ATG5: variants seen among roughly 807,000 people sequenced by gnomAD.
ATG5 encodes autophagy protein 5.
In ATG5, 14 loss-of-function variants were observed where a neutral mutation model predicts 36.5. That is an observed-to-expected ratio of 0.38 (90% confidence interval 0.25 to 0.60). ATG5 has a LOEUF of 0.60. Ranked by LOEUF, ATG5 falls within the 20% of genes least tolerant of loss-of-function variation. The pLI, the probability that ATG5 is intolerant of heterozygous loss-of-function variation, is 0.60. For missense variants in ATG5, 195 were observed against 326.7 expected (o/e 0.60, Z 3.11); for synonymous variants, 95 against 101.5 (o/e 0.94, Z 0.38).
chr6:106,209,522 T>C (rs990881686), intron 6 of ATG5, among the ~76,000 whole-genome samples: 7 of 152,134 alleles, frequency 4.6e-5, no homozygotes, highest in Admixed American at 4.6e-4. Context: ...TGTCAGAGGT[T>C]AGGGAAGAAA....
At position 106,201,984 on chromosome 6, in the gene ATG5, T is replaced by G. The variant is rs763708645; in HGVS notation, c.679A>C (p.Ile227Leu). 1.2e-6 allele frequency: 2 copies of G among 1,609,850 alleles called. No individual in the cohort carries two copies. Among genetic ancestry groups the G allele is most frequent in the East Asian group, 2.2e-5 (1 of 44,788 alleles). ...DLLKEVCPSA[I>L]DPEDGEKKNQ... ...CTGATTGTATTACCTTCAGGATCAA[T>G]AGCAGAAGGACAAACTTCTTTGAGG... Residue 227 changes from isoleucine to leucine, a missense_variant, in exon 7 of 8, where the codon ATT (isoleucine) becomes CTT (leucine). Transcript: ENST00000369076.
chr6:106,274,353 C>T (rs1169226755), intron 5 of ATG5, among the ~76,000 whole-genome samples: 3 of 152,032 alleles, frequency 2.0e-5, no homozygotes, highest in African/African-American at 4.8e-5. Flanking sequence ...AAAAAAAACA[C>T]TGAAAGGCAC....
At chr6:106,323,471 C>T (rs777953826) in intron 1 of ATG5, among the ~76,000 whole-genome samples, 8 of 151,522 alleles carry the variant, frequency 5.3e-5, no homozygotes, top group Non-Finnish European at 1.0e-4. Context: ...GACAGGGTCT[C>T]GTTATGTCGC....
intron 5 of ATG5, among the ~76,000 whole-genome samples, chr6:106,274,343 A>T (rs929366749): frequency 7.1e-5 from 9 of 127,626 alleles, no homozygotes; most frequent in Admixed American, 2.3e-4. Context: ...GAAAACTCAT[A>T]AAAAAAACAC....
At chr6:106,195,808 T>TAAAAAAAAAAAAAAAA (rs35892579) in intron 7 of ATG5, among the ~76,000 whole-genome samples, 1 of 91,348 alleles carries the variant, frequency 1.1e-5, no homozygotes, top group African/African-American at 4.0e-5. Flanking sequence ...TGCTCCCCTC[T>TAAAAAAAAAAAAAAAA]AAAAAAAAAA....
At chr6:106,299,169 C>A (rs1770104473) in intron 3 of ATG5, among the ~76,000 whole-genome samples, 1 of 152,136 alleles carries the variant, frequency 6.6e-6, no homozygotes, top group African/African-American at 2.4e-5. Context: ...AGCTGGATAC[C>A]AAAATTCGCA....
Position 106,264,247 on chromosome 6 carries a change from G to C in ATG5, c.478+15414C>G, listed in dbSNP as rs537982245. On this transcript the variant is annotated intron_variant, in intron 5 of 7. Coordinates refer to ENST00000369076, the MANE Select transcript of ATG5 (RefSeq NM_004849.4). ...ATCAAGTGGAAGAAAGGATATCAGA[G>C]ATTGAAGATCAACTTACTGAAAAAA... Among the ~76,000 whole-genome samples the C allele has an allele frequency of 3.9e-5, 6 of 152,176 alleles. No individual in the cohort carries two copies. In the South Asian group the frequency reaches 1.2e-3, roughly 32 times the overall value.
At chr6:106,323,110 T>C (rs1174935022) in intron 1 of ATG5, among the ~76,000 whole-genome samples, 1 of 151,958 alleles carries the variant, frequency 6.6e-6, no homozygotes, top group South Asian at 2.1e-4. Flanking sequence ...TTTGTTTTTT[T>C]GTATTTTTAG....
chr6:106,246,588 A>G (rs1390645856), intron 6 of ATG5, among the ~76,000 whole-genome samples: 1 of 152,180 alleles, frequency 6.6e-6, no homozygotes, highest in East Asian at 1.9e-4. Flanking sequence ...AATAATTCCT[A>G]AATTAAGTAT....
intron 6 of ATG5, among the ~76,000 whole-genome samples, chr6:106,242,975 T>C (rs1778186789): frequency 1.3e-5 from 2 of 152,198 alleles, no homozygotes; most frequent in Admixed American, 6.5e-5. Flanking sequence ...TGTCCTCACT[T>C]TTCAAAATCC....
intron 4 of ATG5, among the ~76,000 whole-genome samples, chr6:106,290,074 G>A (rs1029544171): frequency 3.3e-5 from 5 of 151,704 alleles, no homozygotes; most frequent in African/African-American, 1.2e-4. Context: ...CCAGGATAGA[G>A]TGCAATCACT....
intron 4 of ATG5, among the ~76,000 whole-genome samples, chr6:106,280,667 T>C (rs1261357356): frequency 6.6e-6 from 1 of 152,164 alleles, no homozygotes; most frequent in Non-Finnish European, 1.5e-5. Context: ...TACTGAACAC[T>C]TACTGTGACA....
intron 7 of ATG5, among the ~76,000 whole-genome samples, chr6:106,200,669 A>G (rs1280265599): frequency 6.6e-6 from 1 of 152,042 alleles, no homozygotes; most frequent in Non-Finnish European, 1.5e-5. Context: ...TTTAGTAGAG[A>G]CAGGGTTTCA....
chr6:106,309,641 G>T lies in ATG5; in HGVS notation c.109-1150C>A, dbSNP rs534570863. 7.9e-5 allele frequency among the ~76,000 whole-genome samples: 12 copies of T among 152,064 alleles called. No homozygotes were observed. In the East Asian group the frequency reaches 2.1e-3, roughly 27 times the overall value. On this transcript the variant is annotated intron_variant, in intron 2 of 7. Transcript: ENST00000369076. ...TTTTTCCCCCACAGGAAGTATTATC[G>T]CCCCTGTTTTAAATAACTTGCCAAT...
chr6:106,206,837 C>T (rs1776653433), intron 6 of ATG5, among the ~76,000 whole-genome samples: 1 of 152,018 alleles, frequency 6.6e-6, no homozygotes, highest in East Asian at 1.9e-4. Flanking sequence ...CTCATTAGCC[C>T]GATGTTAGAG....
intron 3 of ATG5, among the ~76,000 whole-genome samples, chr6:106,305,945 G>A (rs757505645): frequency 6.6e-6 from 1 of 152,142 alleles, no homozygotes; most frequent in Non-Finnish European, 1.5e-5. Context: ...AGTTATTCAC[G>A]CCTCATATAT....
chr6:106,211,222 C>A lies in ATG5; in HGVS notation c.574-9133G>T, dbSNP rs556726686. 2.6e-5 allele frequency among the ~76,000 whole-genome samples: 4 copies of A among 152,228 alleles called. No individual in the cohort carries two copies. In the East Asian group the frequency reaches 7.7e-4, roughly 29 times the overall value. On this transcript the variant is annotated intron_variant, in intron 6 of 7. Coordinates refer to ENST00000369076, the MANE Select transcript of ATG5 (RefSeq NM_004849.4). ...TTCACTGAAACAAAGTGATAAAAAG[C>A]TATGAAAGAGAAAAACATAAAATAA...
At chr6:106,276,969 A>T (rs1349465852) in intron 5 of ATG5, among the ~76,000 whole-genome samples, 2 of 152,188 alleles carry the variant, frequency 1.3e-5, no homozygotes, top group Non-Finnish European at 2.9e-5. Flanking sequence ...AAAGCTTATA[A>T]CCTAGTTGAG....
chr6:106,293,037 T>C lies in ATG5; in HGVS notation c.306A>G (p.Val102=). ...ATGCAATTTACTATACCTTAAAATG[T>C]ACTGTGATGTTCCAAGGAAGAGCTG... ...SSSALPWNIT[V]HFKSFPEKDL... The change falls in exon 4 of 8, where the codon GTA becomes GTG. Residue 102 remains valine, a synonymous_variant. Transcript: ENST00000369076. 6.2e-7 allele frequency: 1 copy of C among 1,612,928 alleles called. No homozygotes were observed.
Sources: gnomAD v4.1 joint callset for allele counts (sites outside exome capture counted in the v4.1 genomes callset) on GRCh38, gnomAD v4.1.1 for gene constraint, MANE v1.5 for transcripts, NCBI Gene and HGNC (gene_info 2026-07-23, HGNC 2026-07-21) for gene names.